Variants in POP1 observed in about 807,000 individuals in gnomAD.
POP1 encodes the protein ribonucleases P/MRP protein subunit POP1.
In POP1, 75 loss-of-function variants were observed where a neutral mutation model predicts 102.2. That is an observed-to-expected ratio of 0.73 (90% confidence interval 0.61 to 0.89). POP1 has a LOEUF of 0.89. Ranked by LOEUF, POP1 falls within the 40% of genes least tolerant of loss-of-function variation. The pLI is 0.00. For missense variants in POP1, 1,116 were observed against 1,267.4 expected, an observed-to-expected ratio of 0.88 and a Z score of 1.81; for synonymous variants, 436 against 464.1, an observed-to-expected ratio of 0.94 and a Z score of 0.78.
Position 98,117,706 on chromosome 8 carries a change from C to G in POP1, c.-3+316C>G, listed in dbSNP as rs569953391. 15 of 158,362 alleles carry G rather than the reference C, an allele frequency of 9.5e-5. No individual in the cohort carries two copies. The South Asian group carries it at 1.4e-3, about 15-fold the overall frequency. 9.8% of individuals were successfully genotyped at this position (158,362 alleles called of 1,614,324 possible). On this transcript the variant is annotated intron_variant, in intron 1 of 15. Transcript: ENST00000401707. Reference sequence around the variant, plus strand: ...GTCATTCTGGCGACCACGCTGAGATCTGGGCGTTGGTCCTCCCGTGTTCCC... The same window carrying G: ...GTCATTCTGGCGACCACGCTGAGATGTGGGCGTTGGTCCTCCCGTGTTCCC...
In POP1 at chr8:98,130,210, A is replaced by G; in HGVS notation, c.719A>G (p.Asn240Ser). The G allele has an allele frequency of 6.2e-7, 1 of 1,614,136 alleles. No homozygotes were observed. Among genetic ancestry groups the G allele is most frequent in the Non-Finnish European group, 8.5e-7 (1 of 1,180,018 alleles). The change falls in exon 5 of 16, where the codon AAC becomes AGC. Residue 240 changes from asparagine to serine, a missense_variant. Physicochemically the swap from Asn to Ser is conservative, Grantham distance 46. Transcript: ENST00000401707. ...SHRACYRAMT[N>S]RCLLQDLSYY... is the part of the protein sequence containing the mutation. ...AGAGCCTGCTATCGAGCCATGACGA[A>G]CCGGTGCCTCCTGCAGGTGAGCTTT...
At chr8:98,157,488 A>G in intron 15 of POP1, 129 bp from the exon 16 acceptor site, 1 of 1,125,156 alleles carries the variant, frequency 8.9e-7, no homozygotes, top group Non-Finnish European at 1.3e-6. Context: ...CTAATTTTTA[A>G]AAAATTGTAG....
intron 13 of POP1, among the ~76,000 whole-genome samples, chr8:98,149,325 CTT>C (rs749433671): frequency 5.9e-5 from 9 of 151,870 alleles, no homozygotes; most frequent in Non-Finnish European, 1.0e-4. Flanking sequence ...AAGCAAAGGA[CTT>C]AACTTTTACA....
rs770094585 is a variant in POP1 at position 98,146,677 on chromosome 8, G to A, written c.1704G>A (p.Ser568=). The change falls in exon 12 of 16, where the codon TCG becomes TCA. Residue 568 remains serine (S), a synonymous_variant. Transcript: ENST00000401707. ...ICKSVTENKI[S]DQDLNRMRSE... is the part of the protein sequence containing the mutation. ...AGAGTGTCACAGAGAATAAAATCTC[G>A]GATCAGGTAACTAATAGTGTAAGGG... The A allele has an allele frequency of 4.6e-5, 73 of 1,602,906 alleles. No individual in the cohort carries two copies. The highest frequency in any genetic ancestry group is 1.7e-4 in the Middle Eastern group (1 of 6,052).
chr8:98,155,732 C>T (rs1016103251), intron 14 of POP1, among the ~76,000 whole-genome samples: 4 of 151,926 alleles, frequency 2.6e-5, no homozygotes, highest in African/African-American at 9.7e-5. Context: ...AGGCACCCTC[C>T]ACCATGCCCG....
chr8:98,127,692 G>A lies in POP1; in HGVS notation c.240G>A (p.Met80Ile), dbSNP rs1464147973. 1.2e-6 allele frequency: 2 copies of A among 1,614,120 alleles called. No individual in the cohort carries two copies. Among genetic ancestry groups the A allele is most frequent in the East Asian group, 4.5e-5 (2 of 44,882 alleles). Residue 80 changes from methionine to isoleucine, a missense_variant, in exon 3 of 16, where the codon ATG (methionine) becomes ATA (isoleucine). By Grantham distance (10) the Met-to-Ile change is conservative. Transcript: ENST00000401707. Reference sequence around the variant, plus strand: ...ATGAGCAGTCTTCCTCCAAAGGGATGTTTAGAAAAAAGGGAGGATGGAAAG... The same window carrying A: ...ATGAGCAGTCTTCCTCCAAAGGGATATTTAGAAAAAAGGGAGGATGGAAAG... ...EVNEQSSSKG[M>I]FRKKGGWKAG... is the part of the protein sequence containing the mutation.
rs201359905 is a variant in POP1 at position 98,129,964 on chromosome 8, A to T, written c.487-14A>T. The stretch of plus-strand genomic sequence containing the variant: ...CTTACAAACTGGGATATGTCCCTCT[A>T]CTTGAAACTATAGGCGGAGAAAGCC... On this transcript the variant is annotated splice_polypyrimidine_tract_variant and intron_variant, in intron 4 of 15. Transcript: ENST00000401707. 6.2e-7 allele frequency: 1 copy of T among 1,613,752 alleles called. No homozygotes were observed. Among genetic ancestry groups the T allele is most frequent in the Non-Finnish European group, 8.5e-7 (1 of 1,179,732 alleles).
At chr8:98,128,219 C>T (rs1816269397) in intron 3 of POP1, 146 bp from the exon 4 acceptor site, 1 of 762,436 alleles carries the variant, frequency 1.3e-6, no homozygotes, top group Admixed American at 2.1e-5. Flanking sequence ...TTCCTTGTAC[C>T]TTGTACCTAT....
chr8:98,132,651 T>A (rs893272759), intron 5 of POP1, among the ~76,000 whole-genome samples: 28 of 152,150 alleles, frequency 1.8e-4, no homozygotes, highest in Admixed American at 8.5e-4. Context: ...AATCTCTGTG[T>A]CACAGTGTCC....
At chr8:98,134,369 C>A in intron 6 of POP1, 103 bp from the exon 7 acceptor site, 1 of 1,221,166 alleles carries the variant, frequency 8.2e-7, no homozygotes, top group Non-Finnish European at 1.2e-6. Flanking sequence ...ACCAAAACTT[C>A]ACCTCTCATG....
At chr8:98,149,648 T>C (rs919446364) in intron 13 of POP1, among the ~76,000 whole-genome samples, 1 of 152,052 alleles carries the variant, frequency 6.6e-6, no homozygotes, top group East Asian at 1.9e-4. Context: ...TCCCAACTCC[T>C]TGGGAGGCTG....
rs569826216 is a variant in POP1, at chr8:98,150,168, A to C, written c.1903-317A>C. 1.6e-4 allele frequency among the ~76,000 whole-genome samples: 25 copies of C among 152,306 alleles called. No homozygotes were observed. In the South Asian group the frequency reaches 2.3e-3, roughly 14 times the overall value. On this transcript the variant is annotated intron_variant, in intron 13 of 15. Transcript: ENST00000401707. ...CTACCATGCATATTTTTATAGCTTT[A>C]TTAAAGTATGTTTGTATCCCACAAT...
In POP1 at chr8:98,129,615, C is replaced by A. The variant is rs186350248; in HGVS notation, c.487-363C>A. On this transcript the variant is annotated intron_variant, in intron 4 of 15. Transcript: ENST00000401707. ...GTTACAATTCTACAGGTTAAAATGA[C>A]AACAAGAAGCTAGCATTTGATTTCT... 6.2e-4 allele frequency among the ~76,000 whole-genome samples: 95 copies of A among 152,232 alleles called. 1 individual carries two copies. Among genetic ancestry groups the A allele is most frequent in the South Asian group, 2.3e-3 (11 of 4,804 alleles).
At position 98,147,594 on chromosome 8, in the gene POP1, G is replaced by T. The variant is rs189796268; in HGVS notation, c.1710+911G>T. Among the ~76,000 whole-genome samples the T allele has an allele frequency of 2.3e-3, 354 of 152,282 alleles. 1 individual carries two copies. The highest frequency in any genetic ancestry group is 8.0e-3 in the African/African-American group (333 of 41,556). On this transcript the variant is annotated intron_variant, in intron 12 of 15. Coordinates refer to ENST00000401707, the MANE Select transcript of POP1 (RefSeq NM_001145860.2). ...AGCAGTGTGGGGTTGGAGATGGGGG[G>T]TGAGGAAGCTGGAGAGAGACTGTGG... is the stretch of plus-strand genomic sequence containing the variant.
intron 14 of POP1, among the ~76,000 whole-genome samples, chr8:98,151,740 CT>C (rs755019200): frequency 4.6e-4 from 52 of 112,918 alleles, no homozygotes; most frequent in Middle Eastern, 5.0e-3. Context: ...GCCTGGCTTG[CT>C]TTTTTTTTTT....
chr8:98,158,499 A>T lies in POP1; in HGVS notation c.*228A>T, dbSNP rs1157817611. ...GTAATACTTTTAAATTATTTGGCCA[A>T]AAGCTTTGTATTATGATCTCTTGGT... On this transcript the variant is annotated 3_prime_UTR_variant, in exon 16 of 16. Coordinates refer to ENST00000401707, the MANE Select transcript of POP1 (RefSeq NM_001145860.2). The T allele has an allele frequency of 1.8e-5, 10 of 545,064 alleles. No individual in the cohort carries two copies. The highest frequency in any genetic ancestry group is 2.6e-5 in the Non-Finnish European group (8 of 308,418). The allele number at this position is 545,064 out of a possible 1,614,324, so 33.8% of individuals were successfully genotyped here. A position where few individuals can be genotyped will look rare whatever the true frequency, so the allele number is the denominator to read the frequency against.
At chr8:98,146,787 A>G in intron 12 of POP1, 104 bp downstream of exon 12, 1 of 898,346 alleles carries the variant, frequency 1.1e-6, no homozygotes. Context: ...AATTCCATAG[A>G]CTTTCTTTTG....
In POP1 at chr8:98,159,382, T is replaced by A. The variant is rs1253066263; in HGVS notation, c.*1111T>A. Reference sequence around the variant, plus strand: ...TCCACCTGAGATTCTCAACAGGGTATAAAAGGAAGGTCTCATCTTGCCTCA... The same window carrying A: ...TCCACCTGAGATTCTCAACAGGGTAAAAAAGGAAGGTCTCATCTTGCCTCA... On this transcript the variant is annotated 3_prime_UTR_variant, in exon 16 of 16. Coordinates refer to ENST00000401707, the MANE Select transcript of POP1 (RefSeq NM_001145860.2). 3 of 152,152 alleles carry A rather than the reference T, an allele frequency of 2.0e-5. No homozygotes were observed. Among genetic ancestry groups the A allele is most frequent in the African/African-American group, 7.2e-5 (3 of 41,426 alleles). 9.4% of individuals were successfully genotyped at this position (152,152 alleles called of 1,614,324 possible).
Position 98,139,819 on chromosome 8 carries a change from A to G in POP1, c.1363-259A>G, listed in dbSNP as rs76007115. ...GTGAAGTATCTTAGTGAGTTAGTCT[A>G]TGAAAACCATAGATGATTTTCTTCA... On this transcript the variant is annotated intron_variant, in intron 9 of 15. Coordinates refer to ENST00000401707, the MANE Select transcript of POP1 (RefSeq NM_001145860.2). Among the ~76,000 whole-genome samples, 878 of 152,360 alleles carry G rather than the reference A, an allele frequency of 5.8e-3. 9 individuals carry two copies. Among genetic ancestry groups the G allele is most frequent in the South Asian group, 0.036 (176 of 4,822 alleles).
Sources: gnomAD v4.1 joint callset for allele counts (sites outside exome capture counted in the v4.1 genomes callset) on GRCh38, gnomAD v4.1.1 for gene constraint, MANE v1.5 for transcripts, NCBI Gene and HGNC (gene_info 2026-07-23, HGNC 2026-07-21) for gene names.